The following PTN variants were observed in gnomAD, a reference collection of about 807,000 sequenced individuals.
The protein encoded by PTN is heparin affin regulatory protein.
In PTN, 18 loss-of-function variants were observed where a neutral mutation model predicts 24.1. The observed-to-expected ratio is 0.75, with a 90% CI of 0.52 to 1.11. PTN has a LOEUF of 1.11. PTN is among the 50% of genes least tolerant of loss of function. The pLI, the probability that PTN is intolerant of heterozygous loss-of-function variation, is 0.00. For missense variants in PTN, 163 were observed against 198.8 expected, an observed-to-expected ratio of 0.82 and a Z score of 1.08; for synonymous variants, 78 against 68.6, an observed-to-expected ratio of 1.14 and a Z score of -0.67.
chr7:137,230,743 T>C (rs1020433283), intron 4 of PTN, among the ~76,000 whole-genome samples: 2 of 151,880 alleles, frequency 1.3e-5, no homozygotes, highest in Non-Finnish European at 1.5e-5. Flanking sequence ...CTAGTATACA[T>C]GATGGGTTTA....
At chr7:137,307,943 T>G (rs575072987) in intron 1 of PTN, among the ~76,000 whole-genome samples, 1 of 152,248 alleles carries the variant, frequency 6.6e-6, no homozygotes, top group African/African-American at 2.4e-5. Context: ...TATTACAAGA[T>G]TTTCTTTGTT....
chr7:137,241,391 C>T (rs974832653), intron 4 of PTN, among the ~76,000 whole-genome samples: 6 of 152,182 alleles, frequency 3.9e-5, no homozygotes, highest in African/African-American at 1.4e-4. Context: ...CTAAACTTTA[C>T]TCAAAACACA....
chr7:137,333,337 G>T (rs1264541266), intron 1 of PTN, among the ~76,000 whole-genome samples: 5 of 152,142 alleles, frequency 3.3e-5, no homozygotes, highest in Admixed American at 3.3e-4. Context: ...CCAGCCTCAG[G>T]TATTCCTTTA....
At chr7:137,234,410 T>C (rs1363315826) in intron 4 of PTN, among the ~76,000 whole-genome samples, 2 of 152,050 alleles carry the variant, frequency 1.3e-5, no homozygotes, top group Non-Finnish European at 2.9e-5. Flanking sequence ...GGGAAATTTA[T>C]TTTTTGAAAG....
At chr7:137,248,947 T>C (rs1472089210) in intron 4 of PTN, among the ~76,000 whole-genome samples, 2 of 152,180 alleles carry the variant, frequency 1.3e-5, no homozygotes, top group Non-Finnish European at 2.9e-5. Context: ...AGAATGTCTA[T>C]CCACTTGAAA....
At chr7:137,266,098 A>G (rs866953608) in intron 1 of PTN, among the ~76,000 whole-genome samples, 1 of 152,068 alleles carries the variant, frequency 6.6e-6, no homozygotes, top group East Asian at 1.9e-4. Context: ...GATTTTATAG[A>G]CTCTTTTTAA....
At chr7:137,229,754 C>A (rs1808396907) in intron 4 of PTN, among the ~76,000 whole-genome samples, 1 of 151,760 alleles carries the variant, frequency 6.6e-6, no homozygotes, top group Admixed American at 6.6e-5. Context: ...TTTGTTTTCT[C>A]AAATATCTTT....
intron 4 of PTN, among the ~76,000 whole-genome samples, chr7:137,242,006 A>G (rs925251641): frequency 3.9e-5 from 6 of 152,196 alleles, no homozygotes; most frequent in African/African-American, 1.4e-4. Flanking sequence ...CAGTGTTGCC[A>G]TGCTCACTCC....
chr7:137,283,952 A>ATTTTTTTTTTTTTTTTTTTT lies in PTN; in HGVS notation c.-1-28998_-1-28979dup, dbSNP rs753374720. ...AAATGAATGTGAAAATGAGCATCAG[A>ATTTTTTTTTTTTTTTTTTTT]TTTTTTTTTTTTTTTTTTTTTTTTT... On this transcript the variant is annotated intron_variant, in intron 1 of 4. Transcript: ENST00000348225. Among the ~76,000 whole-genome samples the ATTTTTTTTTTTTTTTTTTTT allele has an allele frequency of 6.1e-5, 3 of 48,922 alleles. 1 individual carries two copies. The highest frequency in any genetic ancestry group is 9.7e-5 in the African/African-American group (1 of 10,352). The allele number at this position is 48,922 out of a possible 152,430, so 32.1% of individuals were successfully genotyped here.
intron 1 of PTN, among the ~76,000 whole-genome samples, chr7:137,335,281 A>T (rs1324559141): frequency 6.6e-6 from 1 of 151,982 alleles, no homozygotes; most frequent in Admixed American, 6.6e-5. Context: ...GATCACTTAC[A>T]CCCTCTCCGA....
chr7:137,311,557 C>T (rs1257120999), intron 1 of PTN, among the ~76,000 whole-genome samples: 1 of 152,162 alleles, frequency 6.6e-6, no homozygotes, highest in Non-Finnish European at 1.5e-5. Context: ...AGATGTTCAA[C>T]TCTTCCTTTT....
intron 4 of PTN, among the ~76,000 whole-genome samples, chr7:137,249,958 T>C (rs1208210612): frequency 6.6e-6 from 1 of 152,102 alleles, no homozygotes; most frequent in East Asian, 1.9e-4. Context: ...TAAAGTCCTT[T>C]CTGGCCACCA....
intron 1 of PTN, chr7:137,325,235 T>G (rs960884141): frequency 6.6e-6 from 1 of 152,216 alleles, no homozygotes; most frequent in Non-Finnish European, 1.5e-5. Context: ...CTGTCTCTTC[T>G]GGCTGATAAT....
At chr7:137,310,733 G>C (rs1809967881) in intron 1 of PTN, among the ~76,000 whole-genome samples, 1 of 152,200 alleles carries the variant, frequency 6.6e-6, no homozygotes, top group Admixed American at 6.5e-5. Flanking sequence ...CATTTACATT[G>C]AAAATGTGTT....
intron 1 of PTN, among the ~76,000 whole-genome samples, chr7:137,338,581 C>T (rs1435917414): frequency 6.6e-6 from 1 of 152,180 alleles, no homozygotes; most frequent in Non-Finnish European, 1.5e-5. Context: ...AACAATTGTA[C>T]ATATCTTCCT....
chr7:137,305,618 T>C (rs1809875167), intron 1 of PTN, among the ~76,000 whole-genome samples: 1 of 152,044 alleles, frequency 6.6e-6, no homozygotes, highest in Non-Finnish European at 1.5e-5. Flanking sequence ...TCTTATTTCA[T>C]CTCTACTGAC....
intron 1 of PTN, among the ~76,000 whole-genome samples, chr7:137,274,324 G>C (rs538469445): frequency 1.3e-5 from 2 of 152,182 alleles, no homozygotes; most frequent in South Asian, 4.1e-4. Flanking sequence ...CCAATACCAA[G>C]GTCTATCTAG....
In PTN at chr7:137,252,226, T is replaced by G. The variant is rs1808840144; in HGVS notation, c.290-835A>C. Among the ~76,000 whole-genome samples the G allele has an allele frequency of 1.3e-5, 2 of 151,930 alleles. 1 individual carries two copies. The highest frequency in any genetic ancestry group is 4.9e-5 in the African/African-American group (2 of 41,176). On this transcript the variant is annotated intron_variant, in intron 3 of 4. Transcript: ENST00000348225. ...GTCACTATTTTTTATTCTAGCCACT[T>G]TGATAGATGTAGAGTGATATCTCAT...
Position 137,258,096 on chromosome 7 carries a change from C to T in PTN, c.-1-3122G>A, listed in dbSNP as rs139231640. 2.6e-5 allele frequency among the ~76,000 whole-genome samples: 4 copies of T among 152,088 alleles called. No individual in the cohort carries two copies. The East Asian group carries it at 5.8e-4, about 22-fold the overall frequency. On this transcript the variant is annotated intron_variant, in intron 1 of 4. Transcript: ENST00000348225. ...AAACTCTTGTTTTCATCGTTATTTT[C>T]AAAAAGATTTCCTTAATCCAGTTCT... is the stretch of plus-strand genomic sequence containing the variant.
Sources: gnomAD v4.1 joint callset for allele counts (sites outside exome capture counted in the v4.1 genomes callset) on GRCh38, gnomAD v4.1.1 for gene constraint, MANE v1.5 for transcripts, NCBI Gene and HGNC (gene_info 2026-07-23, HGNC 2026-07-21) for gene names.